KIAA1549L: variants seen among roughly 807,000 people sequenced by gnomAD.
KIAA1549L encodes the protein KIAA1549 like.
Under a neutral mutation model 160.7 loss-of-function variants are expected in KIAA1549L, and 88 were observed. The observed-to-expected ratio is 0.55, with a 90% confidence interval of 0.46 to 0.65. The LOEUF (loss-of-function observed/expected upper bound fraction) is 0.65, where lower values mean the gene tolerates loss of function less well. Among genes scored for constraint, KIAA1549L ranks in the 30% least tolerant of loss-of-function variants. The pLI, the probability that KIAA1549L is intolerant of heterozygous loss-of-function variation, is 0.00. For synonymous variants in KIAA1549L, 950 were observed against 976.7 expected (o/e 0.97, Z 0.51); for missense variants, 2,258 against 2,437.5 (o/e 0.93, Z 1.55).
chr11:33,513,694 A>G (rs577273122), intron 1 of KIAA1549L, among the ~76,000 whole-genome samples: 29 of 152,236 alleles, frequency 1.9e-4, no homozygotes, highest in African/African-American at 7.0e-4. Context: ...CCCAGAGACA[A>G]TCTGACGGCT....
At chr11:33,525,465 A>G (rs1853589916) in intron 1 of KIAA1549L, among the ~76,000 whole-genome samples, 1 of 152,052 alleles carries the variant, frequency 6.6e-6, no homozygotes, top group Non-Finnish European at 1.5e-5. Context: ...GCCTTATCTC[A>G]CAGGAGTCCT....
chr11:33,505,099 CAAGTT>C (rs961215294), intron 1 of KIAA1549L, among the ~76,000 whole-genome samples: 19 of 152,078 alleles, frequency 1.2e-4, no homozygotes, highest in East Asian at 9.6e-4. Context: ...AAGGTGTAGA[CAAGTT>C]AAGTTGCCCA....
intron 1 of KIAA1549L, among the ~76,000 whole-genome samples, chr11:33,530,437 ATAT>A (rs1462810769): frequency 6.3e-4 from 2 of 3,188 alleles, no homozygotes; most frequent in Non-Finnish European, 1.3e-3. Flanking sequence ...AAAAAAAAAA[ATAT>A]ATATATATAT....
At chr11:33,620,618 A>T (rs1335021944) in intron 16 of KIAA1549L, among the ~76,000 whole-genome samples, 1 of 152,194 alleles carries the variant, frequency 6.6e-6, no homozygotes, top group Non-Finnish European at 1.5e-5. Context: ...CATTGTATGG[A>T]TGAAGAAACT....
At chr11:33,560,107 TG>T (rs1434096313) in intron 7 of KIAA1549L, among the ~76,000 whole-genome samples, 196 bp downstream of exon 7, 7 of 152,226 alleles carry the variant, frequency 4.6e-5, no homozygotes, top group Non-Finnish European at 1.0e-4. Context: ...AAATATGTGA[TG>T]GACTAAGAAT....
intron 1 of KIAA1549L, among the ~76,000 whole-genome samples, chr11:33,464,515 TGCGC>T (rs1373567965): frequency 7.7e-6 from 1 of 129,980 alleles, no homozygotes; most frequent in Non-Finnish European, 1.7e-5. Flanking sequence ...TGTGTGTGCG[TGCGC>T]GCATGCCCCC....
intron 11 of KIAA1549L, among the ~76,000 whole-genome samples, chr11:33,588,488 G>T (rs1181161648): frequency 6.6e-6 from 1 of 152,108 alleles, no homozygotes; most frequent in Non-Finnish European, 1.5e-5. Flanking sequence ...AAGCTCATCG[G>T]GGAGGCCTGG....
intron 15 of KIAA1549L, among the ~76,000 whole-genome samples, chr11:33,617,136 A>G (rs1441697518): frequency 1.3e-5 from 2 of 150,762 alleles, no homozygotes; most frequent in Non-Finnish European, 3.0e-5. Flanking sequence ...ATTCTATCAA[A>G]AAAAAAAAAA....
At chr11:33,553,647 A>G (rs1327916206) in intron 6 of KIAA1549L, among the ~76,000 whole-genome samples, 3 of 152,194 alleles carry the variant, frequency 2.0e-5, no homozygotes, top group Non-Finnish European at 4.4e-5. Context: ...GATTTATGTA[A>G]GGAGTGTGAC....
At chr11:33,438,342 C>T (rs1278590382) in intron 1 of KIAA1549L, among the ~76,000 whole-genome samples, 3 of 152,342 alleles carry the variant, frequency 2.0e-5, no homozygotes, top group East Asian at 3.9e-4. Flanking sequence ...CTTTTACCCT[C>T]GTTTCTCCTT....
chr11:33,559,955 G>A (rs778993358), intron 7 of KIAA1549L, 44 bp downstream of exon 7: 8 of 1,582,060 alleles, frequency 5.1e-6, no homozygotes, highest in Non-Finnish European at 5.2e-6. Flanking sequence ...TTTCCCCTGT[G>A]GCCTTTCTCC....
At chr11:33,549,158 T>A (rs1279984678) in intron 4 of KIAA1549L, among the ~76,000 whole-genome samples, 1 of 152,110 alleles carries the variant, frequency 6.6e-6, no homozygotes, top group Non-Finnish European at 1.5e-5. Flanking sequence ...TTTTTTTTTT[T>A]ATGGATTCTG....
At chr11:33,571,733 C>T (rs1855264411) in intron 9 of KIAA1549L, among the ~76,000 whole-genome samples, 1 of 152,146 alleles carries the variant, frequency 6.6e-6, no homozygotes, top group South Asian at 2.1e-4. Flanking sequence ...CACCGGGACC[C>T]ACCTCCAACA....
chr11:33,389,623 C>T (rs1354521149), intron 1 of KIAA1549L, among the ~76,000 whole-genome samples: 4 of 152,068 alleles, frequency 2.6e-5, no homozygotes, highest in African/African-American at 9.7e-5. Context: ...ACCTTTTTTT[C>T]CAGTTGGATG....
chr11:33,636,991 C>T (rs948507739), intron 16 of KIAA1549L, among the ~76,000 whole-genome samples: 1 of 152,154 alleles, frequency 6.6e-6, no homozygotes, highest in Non-Finnish European at 1.5e-5. Context: ...ATAGCTTGGG[C>T]AGGGCAGGGC....
chr11:33,436,921 C>G (rs1182396514), intron 1 of KIAA1549L, among the ~76,000 whole-genome samples: 1 of 152,202 alleles, frequency 6.6e-6, no homozygotes, highest in Non-Finnish European at 1.5e-5. Flanking sequence ...GACACCAGCC[C>G]TAGACCCCCA....
At chr11:33,614,568 ATATATATATATATATATTTTTTTTT>A (rs1850750118) in intron 15 of KIAA1549L, among the ~76,000 whole-genome samples, 1 of 14,664 alleles carries the variant, frequency 6.8e-5, no homozygotes, top group African/African-American at 8.2e-4. Flanking sequence ...ATATATATAT[ATATATATATATATATATTTTTTTTT>A]TTTTTTTTTT....
intron 1 of KIAA1549L, among the ~76,000 whole-genome samples, chr11:33,507,944 T>A (rs2133100217): frequency 6.6e-6 from 1 of 152,342 alleles, no homozygotes; most frequent in Non-Finnish European, 1.5e-5. Context: ...GAACCAATAC[T>A]AAGTTGAACT....
At chr11:33,481,098 A>AT (rs1852402560) in intron 1 of KIAA1549L, among the ~76,000 whole-genome samples, 1 of 151,792 alleles carries the variant, frequency 6.6e-6, no homozygotes, top group Non-Finnish European at 1.5e-5. Context: ...GCATTTCTGT[A>AT]TTTTTTTCTC....
Sources: gnomAD v4.1 joint callset for allele counts (sites outside exome capture counted in the v4.1 genomes callset) on GRCh38, gnomAD v4.1.1 for gene constraint, MANE v1.5 for transcripts, NCBI Gene and HGNC (gene_info 2026-07-23, HGNC 2026-07-21) for gene names.